The following DET1 variants were observed in gnomAD, a reference collection of about 807,000 sequenced individuals.
DET1 encodes DET1 partner of COP1 E3 ubiquitin ligase.
Under a neutral mutation model 43.7 loss-of-function variants are expected in DET1, and 22 were observed. The ratio of observed to expected loss-of-function variants is 0.50; its 90% CI spans 0.36 to 0.72. The LOEUF is 0.72. Ranked by LOEUF, DET1 falls within the 30% of genes least tolerant of loss-of-function variation. The pLI is 0.00. For missense variants in DET1, 713 were observed against 713.3 expected, an observed-to-expected ratio of 1.00 and a Z score of 0.00; for synonymous variants, 315 against 266.2, an observed-to-expected ratio of 1.18 and a Z score of -1.79.
At chr15:88,536,896 G>A (rs753284448) in intron 1 of DET1, among the ~76,000 whole-genome samples, 6 of 152,072 alleles carry the variant, frequency 3.9e-5, no homozygotes, top group Non-Finnish European at 8.8e-5. Flanking sequence ...TTAGAGCACA[G>A]GAAGCACAGA....
In DET1 at chr15:88,530,946, G is replaced by T. The variant is rs773541670; in HGVS notation, c.760C>A (p.Arg254=). The change falls in exon 2 of 5, where the codon CGG becomes AGG. Residue 254 remains arginine, a synonymous_variant. Coordinates refer to ENST00000268148, the MANE Select transcript of DET1 (RefSeq NM_001144074.3). The stretch of plus-strand genomic sequence containing the variant: ...TCATAGCAAAAGCGGCCAATGGTCC[G>T]CACATCAATGAAAGTGCCTTCAGGA... The part of the protein sequence containing the change: ...VTPEGTFIDV[R]TIGRFCYEDD... 1 of 1,613,982 alleles carries T rather than the reference G, an allele frequency of 6.2e-7. No individual in the cohort carries two copies. Among genetic ancestry groups the T allele is most frequent in the South Asian group, 1.1e-5 (1 of 91,074 alleles).
In DET1 at chr15:88,504,361, G is replaced by GCCAACA. The variant is rs2056117445; in HGVS notation, c.*2066-375_*2066-374insTGTTGG. The GCCAACA allele has an allele frequency of 2.6e-5, 4 of 152,220 alleles. No individual in the cohort carries two copies. The highest frequency in any genetic ancestry group is 5.9e-5 in the Non-Finnish European group (4 of 68,042). The allele number at this position is 152,220 out of a possible 1,614,324, so 9.4% of individuals were successfully genotyped here. A position where few individuals can be genotyped will look rare whatever the true frequency, so the allele number is the denominator to read the frequency against. ...TTTATTGGTCATGCCAATCAACCAT[G>GCCAACA]ATACGATGTGGGAGGGCATGAATAT... On this transcript the variant is annotated intron_variant and NMD_transcript_variant, in intron 7 of 8. Transcript: ENST00000557842. This position sits in a 1 kb window ranked among gnomAD's most constrained non-coding sequence, Gnocchi z 4.7.
At chr15:88,524,448 A>G (rs2017906) in intron 3 of DET1, among the ~76,000 whole-genome samples, 108,289 of 152,094 alleles carry the variant, frequency 0.71, 39,121 homozygotes, top group African/African-American at 0.84. Context: ...CCGCCACCCC[A>G]TCTGGGAGGA....
Position 88,529,811 on chromosome 15 carries a change from G to T in DET1, c.1083+812C>A, listed in dbSNP as rs375959495. ...CTAACTTGGTCAACACTGAAGTGGA[G>T]AGGTTTTCAAAGACAAATGCCCAAA... On this transcript the variant is annotated intron_variant, in intron 2 of 4. Transcript: ENST00000268148. Among the ~76,000 whole-genome samples the T allele has an allele frequency of 7.1e-4, 108 of 152,332 alleles. No homozygotes were observed. In the South Asian group the frequency reaches 0.021, roughly 29 times the overall value.
intron 3 of DET1, among the ~76,000 whole-genome samples, chr15:88,526,888 C>T (rs150725713): frequency 2.5e-3 from 386 of 152,182 alleles, no homozygotes; most frequent in African/African-American, 8.8e-3. Context: ...TTTACCAATC[C>T]TCCTCATTTC....
chr15:88,541,401 T>C (rs2142342147), intron 1 of DET1, among the ~76,000 whole-genome samples: 1 of 151,162 alleles, frequency 6.6e-6, no homozygotes, highest in Admixed American at 6.6e-5. Flanking sequence ...GAACGCTGGT[T>C]CCCCGGGTCC....
intron 3 of DET1, 47 bp downstream of exon 3, chr15:88,527,552 C>T (rs1729785907): frequency 1.3e-6 from 2 of 1,513,840 alleles, no homozygotes; most frequent in Admixed American, 2.1e-5. Flanking sequence ...TGGCCTAACA[C>T]CAATTTTTCT....
chr15:88,531,640 C>T lies in DET1; in HGVS notation c.66G>A (p.Leu22=). ...TGCCTGAACTGATCCGCCGGCGTTCCAAGCGGTGAATGACATTTTGGTTTT... is the reference window on the plus strand; with the variant it reads ...TGCCTGAACTGATCCGCCGGCGTTCTAAGCGGTGAATGACATTTTGGTTTT... ...RIQNQNVIHR[L]ERRRISSGKA... Residue 22 remains leucine (L), a synonymous_variant, in exon 2 of 5, where the codon TTG becomes TTA. Transcript: ENST00000268148. This position sits in a 1 kb window ranked among gnomAD's most constrained non-coding sequence, Gnocchi z 6.2. 4 of 1,613,850 alleles carry T rather than the reference C, an allele frequency of 2.5e-6. No individual in the cohort carries two copies. The highest frequency in any genetic ancestry group is 3.4e-6 in the Non-Finnish European group (4 of 1,179,782).
At chr15:88,543,141 T>C (rs1458561992) in intron 1 of DET1, among the ~76,000 whole-genome samples, 1 of 152,186 alleles carries the variant, frequency 6.6e-6, no homozygotes, top group Non-Finnish European at 1.5e-5. Context: ...CAAAGCCTTT[T>C]CATCTGTTTG....
chr15:88,513,622 GT>G (rs34991328), intron 4 of DET1, among the ~76,000 whole-genome samples: 29,936 of 114,974 alleles, frequency 0.26, 1,911 homozygotes, highest in Middle Eastern at 0.36. Context: ...CTATTAGTGA[GT>G]TTTTTTTTTT....
At chr15:88,541,691 T>C (rs2057110082) in intron 1 of DET1, among the ~76,000 whole-genome samples, 1 of 152,226 alleles carries the variant, frequency 6.6e-6, no homozygotes, top group Non-Finnish European at 1.5e-5. Flanking sequence ...GCCACCCTGA[T>C]CAGTTTCCCT....
At chr15:88,536,341 G>A in intron 1 of DET1, 1 of 779,684 alleles carries the variant, frequency 1.3e-6, no homozygotes, top group Admixed American at 1.7e-5. Flanking sequence ...CCATACCAGA[G>A]AGCAGGGAAC....
At position 88,516,820 on chromosome 15, in the gene DET1, G is replaced by A. The variant is rs1244307842; in HGVS notation, c.1425C>T (p.Val475=). ...CTCCACAAGTCTTGGGCCGCTCCAT[G>A]ACAGATACCCACTTGTCATCATAAC... ...LFSYDDKWVS[V]MERPKTCGDH... is the part of the protein sequence containing the mutation. The change falls in exon 4 of 5, where the codon GTC becomes GTT. Residue 475 remains valine, a synonymous_variant. Coordinates refer to ENST00000268148, the MANE Select transcript of DET1 (RefSeq NM_001144074.3). The surrounding 1 kb of genome is among the most constrained non-coding windows in gnomAD (Gnocchi z 4.4). The A allele has an allele frequency of 1.9e-6, 3 of 1,608,056 alleles. No individual in the cohort carries two copies. The highest frequency in any genetic ancestry group is 1.7e-4 in the Middle Eastern group (1 of 6,040).
At chr15:88,506,053 C>T (rs1339242367) in intron 7 of DET1, among the ~76,000 whole-genome samples, 1 of 152,140 alleles carries the variant, frequency 6.6e-6, no homozygotes, top group Non-Finnish European at 1.5e-5. Flanking sequence ...GGGCTGGGAG[C>T]AGACTGTGAC....
At chr15:88,503,018 C>T (rs927494790) in intron 8 of DET1, 2 of 152,310 alleles carry the variant, frequency 1.3e-5, no homozygotes, top group Admixed American at 1.3e-4. Flanking sequence ...AATCCCAGCA[C>T]TTTGGGAGGC....
At chr15:88,507,876 T>C (rs1229052159), downstream of DET1, among the ~76,000 whole-genome samples, 1 of 152,190 alleles carries the variant, frequency 6.6e-6, no homozygotes, top group African/African-American at 2.4e-5. Flanking sequence ...CACGGACTGT[T>C]AGGAACCAGG....
intron 3 of DET1, among the ~76,000 whole-genome samples, chr15:88,525,000 A>G (rs965672189): frequency 2.0e-5 from 3 of 152,248 alleles, no homozygotes; most frequent in Admixed American, 2.0e-4. Context: ...TTTTCAATGT[A>G]GCAAAGTATG....
intron 3 of DET1, among the ~76,000 whole-genome samples, chr15:88,518,395 C>A (rs1468360259): frequency 6.6e-6 from 1 of 152,044 alleles, no homozygotes; most frequent in Non-Finnish European, 1.5e-5. Flanking sequence ...GGAAAACTAC[C>A]ATTTTCAAAG....
chr15:88,539,574 G>T (rs1018736212), intron 1 of DET1, among the ~76,000 whole-genome samples: 2 of 152,034 alleles, frequency 1.3e-5, no homozygotes, highest in Non-Finnish European at 2.9e-5. Flanking sequence ...GGTTGTCAAG[G>T]TTTTGCATGT....
Sources: gnomAD v4.1 joint callset for allele counts (sites outside exome capture counted in the v4.1 genomes callset) on GRCh38, gnomAD v4.1.1 for gene constraint, Gnocchi (gnomAD v3.1) non-coding constraint, MANE v1.5 for transcripts, NCBI Gene and HGNC (gene_info 2026-07-23, HGNC 2026-07-21) for gene names.